ADAMTS18: variants seen among roughly 807,000 people sequenced by gnomAD.
ADAMTS18 encodes the protein ADAM metallopeptidase with thrombospondin type 1 motif 18.
ADAMTS18 carries 157 observed loss-of-function variants against 165.9 expected under a neutral mutation model. That is an observed-to-expected ratio of 0.95 (90% CI 0.83 to 1.08). The LOEUF (loss-of-function observed/expected upper bound fraction) is 1.08, where lower values mean the gene tolerates loss of function less well. Among genes scored for constraint, ADAMTS18 ranks in the 50% least tolerant of loss-of-function variants. The pLI is 0.00. For missense variants in ADAMTS18, 2,040 were observed against 1,534.0 expected (o/e 1.33, Z -5.51); for synonymous variants, 782 against 578.2 (o/e 1.35, Z -5.06).
chr16:77,365,317 A>T (rs2056777685), intron 4 of ADAMTS18, among the ~76,000 whole-genome samples: 1 of 152,236 alleles, frequency 6.6e-6, no homozygotes, highest in South Asian at 2.1e-4. Flanking sequence ...CTTTGGATCT[A>T]AATTTATTAT....
chr16:77,347,926 T>C (rs568495946), intron 10 of ADAMTS18, among the ~76,000 whole-genome samples: 20 of 152,310 alleles, frequency 1.3e-4, no homozygotes, highest in Admixed American at 3.9e-4. Context: ...ATGTTAATAA[T>C]AGCACATCCC....
At chr16:77,341,347 G>C (rs1171748995) in intron 11 of ADAMTS18, among the ~76,000 whole-genome samples, 1 of 152,136 alleles carries the variant, frequency 6.6e-6, no homozygotes, top group African/African-American at 2.4e-5. Flanking sequence ...TGGAGGGACA[G>C]TCATTTCTTG....
At chr16:77,296,671 T>G in intron 18 of ADAMTS18, among the ~76,000 whole-genome samples, 1 of 152,104 alleles carries the variant, frequency 6.6e-6, no homozygotes, top group Non-Finnish European at 1.5e-5. Flanking sequence ...AATACAACAA[T>G]TAGCTAGGTG....
chr16:77,399,257 G>T (rs529402123), intron 3 of ADAMTS18, among the ~76,000 whole-genome samples: 1 of 152,180 alleles, frequency 6.6e-6, no homozygotes, highest in Non-Finnish European at 1.5e-5. Context: ...GTAAGGCTAG[G>T]TACCACTTCA....
At chr16:77,304,795 TTGTA>T (rs1344452609) in intron 16 of ADAMTS18, among the ~76,000 whole-genome samples, 6 of 152,220 alleles carry the variant, frequency 3.9e-5, no homozygotes, top group African/African-American at 1.2e-4. Context: ...TAGTAGCTAT[TTGTA>T]TGCCTGTGTA....
intron 3 of ADAMTS18, among the ~76,000 whole-genome samples, chr16:77,427,209 G>C (rs1264495967): frequency 6.6e-6 from 1 of 152,180 alleles, no homozygotes; most frequent in East Asian, 1.9e-4. Flanking sequence ...AGCCCTTCAA[G>C]TGAAGCTAAT....
chr16:77,365,096 T>C (rs1686758195), intron 4 of ADAMTS18, among the ~76,000 whole-genome samples: 1 of 152,162 alleles, frequency 6.6e-6, no homozygotes, highest in African/African-American at 2.4e-5. Context: ...CTCTCCTTTA[T>C]GTCCTCAAAA....
At chr16:77,327,957 G>C (rs1256219282) in intron 12 of ADAMTS18, among the ~76,000 whole-genome samples, 1 of 152,128 alleles carries the variant, frequency 6.6e-6, no homozygotes, top group African/African-American at 2.4e-5. Flanking sequence ...TATGACTGTT[G>C]TGTGTTTCTT....
Position 77,364,619 on chromosome 16 carries a change from T to C in ADAMTS18, c.779-238A>G, listed in dbSNP as rs1432689060. Reference sequence around the variant, plus strand: ...GGGTAGATGGATGGAATGGACAGGATAGATGGATGGATGAGTGGATGGATG... The same window carrying C: ...GGGTAGATGGATGGAATGGACAGGACAGATGGATGGATGAGTGGATGGATG... On this transcript the variant is annotated intron_variant, in intron 4 of 22. Transcript: ENST00000282849. Among the ~76,000 whole-genome samples the C allele has an allele frequency of 2.7e-5, 4 of 146,252 alleles. No homozygotes were observed. In the East Asian group the frequency reaches 6.0e-4, roughly 22 times the overall value.
At chr16:77,362,388 G>A (rs1597171946) in intron 6 of ADAMTS18, 124 bp from the exon 7 acceptor site, 3 of 1,058,794 alleles carry the variant, frequency 2.8e-6, no homozygotes, top group African/African-American at 3.1e-5. Flanking sequence ...AAACACTTGA[G>A]CTAAGGTAGG....
chr16:77,365,182 C>CAACAACAAA (rs2056775983), intron 4 of ADAMTS18, among the ~76,000 whole-genome samples: 1 of 151,904 alleles, frequency 6.6e-6, no homozygotes, highest in Non-Finnish European at 1.5e-5. Context: ...TCATCTCAAA[C>CAACAACAAA]AACAAAAACA....
At chr16:77,406,882 T>G (rs553034517) in intron 3 of ADAMTS18, among the ~76,000 whole-genome samples, 2 of 151,994 alleles carry the variant, frequency 1.3e-5, no homozygotes, top group Admixed American at 1.3e-4. Flanking sequence ...AAGGGGGAGC[T>G]AAACATTGGG....
intron 16 of ADAMTS18, among the ~76,000 whole-genome samples, chr16:77,314,862 A>G (rs2055859145): frequency 7.0e-6 from 1 of 142,680 alleles, no homozygotes; most frequent in African/African-American, 2.6e-5. Context: ...TTTTGTAGGC[A>G]CTGAACTTAT....
At chr16:77,313,459 A>G (rs1228764116) in intron 16 of ADAMTS18, among the ~76,000 whole-genome samples, 1 of 147,430 alleles carries the variant, frequency 6.8e-6, no homozygotes, top group Non-Finnish European at 1.5e-5. Context: ...TAAAATAAAT[A>G]AATAAATAAA....
intron 3 of ADAMTS18, among the ~76,000 whole-genome samples, chr16:77,387,865 C>A (rs916843059): frequency 1.2e-4 from 18 of 152,294 alleles, no homozygotes; most frequent in South Asian, 4.1e-4. Context: ...CTCCTGCCCC[C>A]ATTTGGGTGC....
chr16:77,410,388 G>C (rs139511896), intron 3 of ADAMTS18, among the ~76,000 whole-genome samples: 1 of 151,832 alleles, frequency 6.6e-6, no homozygotes, highest in East Asian at 1.9e-4. Flanking sequence ...CTCAAAATTT[G>C]GTGAGCATGA....
chr16:77,315,100 G>T (rs535049615), intron 16 of ADAMTS18, among the ~76,000 whole-genome samples: 1 of 151,862 alleles, frequency 6.6e-6, no homozygotes, highest in South Asian at 2.1e-4. Context: ...TTTAAGGCTA[G>T]TGCTACTTAA....
chr16:77,317,875 G>A lies in ADAMTS18; in HGVS notation c.2532+1974C>T, dbSNP rs570944698. ...GGAACTGAGAAAGATGATAAATTGAGTGCTTCAGTTTAGACAGAAGAAGTA... is the reference window on the plus strand; with the variant it reads ...GGAACTGAGAAAGATGATAAATTGAATGCTTCAGTTTAGACAGAAGAAGTA... On this transcript the variant is annotated intron_variant, in intron 16 of 22. Coordinates refer to ENST00000282849, the MANE Select transcript of ADAMTS18 (RefSeq NM_199355.4). 2.4e-4 allele frequency among the ~76,000 whole-genome samples: 36 copies of A among 152,264 alleles called. No individual in the cohort carries two copies. In the South Asian group the frequency reaches 6.4e-3, roughly 27 times the overall value.
chr16:77,376,906 C>A (rs2056962385), intron 3 of ADAMTS18, among the ~76,000 whole-genome samples: 1 of 150,450 alleles, frequency 6.6e-6, no homozygotes. Flanking sequence ...CCTCTATCTC[C>A]CAGGTTCAAG....
Sources: gnomAD v4.1 joint callset for allele counts (sites outside exome capture counted in the v4.1 genomes callset) on GRCh38, gnomAD v4.1.1 for gene constraint, MANE v1.5 for transcripts, NCBI Gene and HGNC (gene_info 2026-07-23, HGNC 2026-07-21) for gene names.